The following CNTLN variants were observed in gnomAD, a reference collection of about 807,000 sequenced individuals.
The protein encoded by CNTLN is centlein.
CNTLN carries 212 observed loss-of-function variants against 180.0 expected under a neutral mutation model. The ratio of observed to expected loss-of-function variants is 1.18; its 90% CI spans 1.05 to 1.32. The LOEUF is 1.32. Ranked by LOEUF, CNTLN falls within the 40% of genes most tolerant of loss-of-function variation. The pLI is 0.00. For synonymous variants in CNTLN, 722 were observed against 563.1 expected, an observed-to-expected ratio of 1.28 and a Z score of -3.99; for missense variants, 2,095 against 1,610.9, an observed-to-expected ratio of 1.30 and a Z score of -5.14.
At chr9:17,297,601 C>G (rs184989193) in intron 6 of CNTLN, among the ~76,000 whole-genome samples, 63 of 152,222 alleles carry the variant, frequency 4.1e-4, no homozygotes, top group Admixed American at 1.8e-3. Flanking sequence ...TGGGTAGGTT[C>G]GAAGGACTGG....
chr9:17,337,328 TC>T (rs1182498000), intron 10 of CNTLN, among the ~76,000 whole-genome samples: 2 of 149,632 alleles, frequency 1.3e-5, no homozygotes, highest in African/African-American at 5.1e-5. Flanking sequence ...ATCCCATTTG[TC>T]AATTTTGGCT....
intron 2 of CNTLN, among the ~76,000 whole-genome samples, chr9:17,158,749 C>CGA (rs1819473238): frequency 1.3e-5 from 2 of 152,048 alleles, no homozygotes; most frequent in South Asian, 4.1e-4. Flanking sequence ...TAATTTTAGG[C>CGA]TTCTCTTTAT....
chr9:17,281,437 C>T (rs1828656079), intron 6 of CNTLN, among the ~76,000 whole-genome samples: 1 of 152,056 alleles, frequency 6.6e-6, no homozygotes, highest in East Asian at 1.9e-4. Context: ...TGTTCTCCCT[C>T]TCCCCGCACA....
intron 25 of CNTLN, among the ~76,000 whole-genome samples, chr9:17,494,538 A>G (rs941054472): frequency 2.6e-5 from 4 of 152,058 alleles, no homozygotes; most frequent in Admixed American, 2.0e-4. Flanking sequence ...CTACCGTCAA[A>G]TAGGCCCCAG....
intron 23 of CNTLN, among the ~76,000 whole-genome samples, chr9:17,474,488 T>C (rs557105813): frequency 3.0e-4 from 46 of 152,292 alleles, no homozygotes; most frequent in Admixed American, 5.9e-4. Context: ...CTATCACTTC[T>C]TGCTTGTACC....
intron 7 of CNTLN, 89 bp from the exon 8 acceptor site, chr9:17,308,969 T>C: frequency 2.9e-6 from 1 of 343,516 alleles, no homozygotes; most frequent in Non-Finnish European, 4.5e-6. Context: ...ATACAGTTCA[T>C]ATGTATATAT....
intron 8 of CNTLN, among the ~76,000 whole-genome samples, chr9:17,311,010 T>C (rs1246166748): frequency 6.6e-6 from 1 of 152,106 alleles, no homozygotes; most frequent in African/African-American, 2.4e-5. Context: ...TGTCATTTGA[T>C]GAACAGAAAT....
At chr9:17,137,387 T>A (rs2131392186) in intron 1 of CNTLN, among the ~76,000 whole-genome samples, 1 of 152,328 alleles carries the variant, frequency 6.6e-6, no homozygotes. Context: ...AATATTCACT[T>A]TTATATCTTT....
chr9:17,159,070 T>C (rs925276722), intron 2 of CNTLN, among the ~76,000 whole-genome samples: 1 of 152,210 alleles, frequency 6.6e-6, no homozygotes, highest in Non-Finnish European at 1.5e-5. Flanking sequence ...GATGTCCTCT[T>C]TGACCTGTTG....
chr9:17,265,460 T>G (rs915422761), intron 5 of CNTLN, among the ~76,000 whole-genome samples: 2 of 151,976 alleles, frequency 1.3e-5, no homozygotes, highest in Non-Finnish European at 2.9e-5. Context: ...TTATTGAGGA[T>G]TTTTACATCA....
intron 9 of CNTLN, 21 bp downstream of exon 9, chr9:17,330,829 T>C: frequency 6.3e-7 from 1 of 1,586,400 alleles, no homozygotes; most frequent in Non-Finnish European, 8.6e-7. Context: ...TTTGTCATTT[T>C]GTGAATTTGC....
chr9:17,463,893 A>G (rs916782066), intron 20 of CNTLN, among the ~76,000 whole-genome samples: 1 of 151,178 alleles, frequency 6.6e-6, no homozygotes, highest in African/African-American at 2.4e-5. Context: ...GGAACATTGT[A>G]AGCCTTCGAT....
intron 2 of CNTLN, among the ~76,000 whole-genome samples, chr9:17,163,017 C>G (rs1318431886): frequency 6.6e-6 from 1 of 152,144 alleles, no homozygotes; most frequent in African/African-American, 2.4e-5. Context: ...ATTCACAATT[C>G]CACATGGCTT....
intron 7 of CNTLN, among the ~76,000 whole-genome samples, chr9:17,302,202 CTT>C (rs57095710): frequency 1.4e-5 from 2 of 143,332 alleles, no homozygotes; most frequent in Non-Finnish European, 3.1e-5. Flanking sequence ...ATGCAATTCA[CTT>C]TTTTTTTTTT....
intron 12 of CNTLN, among the ~76,000 whole-genome samples, chr9:17,348,347 C>A (rs1005695814): frequency 1.3e-5 from 2 of 152,050 alleles, no homozygotes; most frequent in Non-Finnish European, 2.9e-5. Flanking sequence ...TTTTAGCAGG[C>A]CTCTGATGAT....
chr9:17,361,251 C>G lies in CNTLN; in HGVS notation c.1887-5366C>G, dbSNP rs113735742. ...AACAGTCCCCAGTGTGTGATGTTCC[C>G]CTTCCTGTGTCCATGTGTTCTCATT... is the stretch of plus-strand genomic sequence containing the variant. On this transcript the variant is annotated intron_variant, in intron 12 of 25. Transcript: ENST00000380647. Among the ~76,000 whole-genome samples, 451 of 152,250 alleles carry G rather than the reference C, an allele frequency of 3.0e-3. 4 individuals carry two copies. The highest frequency in any genetic ancestry group is 0.01 in the African/African-American group (427 of 41,554).
At chr9:17,321,672 C>T (rs10125333) in intron 8 of CNTLN, among the ~76,000 whole-genome samples, 90,398 of 151,928 alleles carry the variant, frequency 0.6, 27,171 homozygotes, top group East Asian at 0.73. Context: ...GTACAGTATT[C>T]TGGTTTTTCA....
intron 18 of CNTLN, among the ~76,000 whole-genome samples, chr9:17,446,371 T>C (rs1169103335): frequency 2.0e-5 from 3 of 152,190 alleles, no homozygotes; most frequent in Non-Finnish European, 4.4e-5. Flanking sequence ...TATTAAGATG[T>C]AATTCATATT....
At chr9:17,258,478 TATGA>T (rs1174958445) in intron 5 of CNTLN, among the ~76,000 whole-genome samples, 1 of 151,396 alleles carries the variant, frequency 6.6e-6, no homozygotes, top group Non-Finnish European at 1.5e-5. Context: ...TTTGGTTCCA[TATGA>T]ACTTTAAAGT....
Sources: gnomAD v4.1 joint callset for allele counts (sites outside exome capture counted in the v4.1 genomes callset) on GRCh38, gnomAD v4.1.1 for gene constraint, MANE v1.5 for transcripts, NCBI Gene and HGNC (gene_info 2026-07-23, HGNC 2026-07-21) for gene names.